Variants in HS3ST4 observed in about 807,000 individuals in gnomAD.
The protein encoded by HS3ST4 is heparan sulfate glucosamine 3-O-sulfotransferase 4.
HS3ST4 carries 17 observed loss-of-function variants against 29.2 expected under a neutral mutation model. The ratio of observed to expected loss-of-function variants is 0.58; its 90% CI spans 0.40 to 0.87. The LOEUF (loss-of-function observed/expected upper bound fraction) is 0.87, where lower values mean the gene tolerates loss of function less well. HS3ST4 is among the 40% of genes least tolerant of loss of function. The pLI, the probability that HS3ST4 is intolerant of heterozygous loss-of-function variation, is 0.00. For missense variants in HS3ST4, 627 were observed against 634.5 expected (o/e 0.99, Z 0.13); for synonymous variants, 314 against 285.7 (o/e 1.10, Z -1.00).
intron 1 of HS3ST4, among the ~76,000 whole-genome samples, chr16:25,962,566 C>CA (rs1342401870): frequency 3.3e-5 from 5 of 152,156 alleles, no homozygotes; most frequent in African/African-American, 9.7e-5. Context: ...CTTATACTAA[C>CA]TGATGAGTGT....
At chr16:26,068,986 C>G (rs556493983) in intron 1 of HS3ST4, among the ~76,000 whole-genome samples, 1 of 152,196 alleles carries the variant, frequency 6.6e-6, no homozygotes, top group South Asian at 2.1e-4. Flanking sequence ...GGGTGTTGCT[C>G]TGTCGCCCAG....
intron 1 of HS3ST4, among the ~76,000 whole-genome samples, chr16:25,851,956 C>T (rs1206248347): frequency 6.6e-6 from 1 of 152,134 alleles, no homozygotes; most frequent in African/African-American, 2.4e-5. Flanking sequence ...CTGCCCTGTG[C>T]AATTTTATAC....
chr16:26,080,457 A>G (rs1898712136), intron 1 of HS3ST4, among the ~76,000 whole-genome samples: 1 of 152,182 alleles, frequency 6.6e-6, no homozygotes. Context: ...AGCCCCTGAA[A>G]GAATGGTGTG....
intron 1 of HS3ST4, among the ~76,000 whole-genome samples, chr16:25,842,623 T>C (rs1306750489): frequency 6.6e-6 from 1 of 152,200 alleles, no homozygotes; most frequent in African/African-American, 2.4e-5. Context: ...ATTAATCCCA[T>C]TATTAGGAAG....
At chr16:26,089,550 C>T (rs1898828664) in intron 1 of HS3ST4, among the ~76,000 whole-genome samples, 1 of 152,166 alleles carries the variant, frequency 6.6e-6, no homozygotes, top group African/African-American at 2.4e-5. Flanking sequence ...AAGAAGGGAG[C>T]TTCATGTGTG....
At chr16:26,025,500 T>A (rs1431902282) in intron 1 of HS3ST4, among the ~76,000 whole-genome samples, 2 of 152,142 alleles carry the variant, frequency 1.3e-5, no homozygotes, top group Non-Finnish European at 2.9e-5. Context: ...CTCCAGCCAC[T>A]TTGTTTGAAA....
At chr16:25,925,959 A>G (rs1183916766) in intron 1 of HS3ST4, among the ~76,000 whole-genome samples, 2 of 151,914 alleles carry the variant, frequency 1.3e-5, no homozygotes, top group African/African-American at 4.8e-5. Flanking sequence ...CCCATGCCAG[A>G]CCCTCTGTCT....
At chr16:25,857,276 A>G (rs564884119) in intron 1 of HS3ST4, among the ~76,000 whole-genome samples, 2 of 152,094 alleles carry the variant, frequency 1.3e-5, no homozygotes, top group African/African-American at 4.8e-5. Flanking sequence ...GGATTCATCA[A>G]CTGTCTCTCC....
chr16:26,104,878 T>G (rs1337345313), intron 1 of HS3ST4, among the ~76,000 whole-genome samples: 1 of 152,188 alleles, frequency 6.6e-6, no homozygotes, highest in Non-Finnish European at 1.5e-5. Flanking sequence ...GGTTCTTCTC[T>G]TTCTCCCACA....
rs531640423 is a variant in HS3ST4, at chr16:26,108,824, A to G, written c.735-26788A>G. ...GTAATATAAATCTTTATCTTACCGG[A>G]CTTAGCAGAGTGGCTGGCATATAGT... On this transcript the variant is annotated intron_variant, in intron 1 of 1. Transcript: ENST00000331351. Among the ~76,000 whole-genome samples the G allele has an allele frequency of 2.0e-5, 3 of 152,292 alleles. No homozygotes were observed. The East Asian group carries it at 5.8e-4, about 29-fold the overall frequency.
rs908914809 is a variant in HS3ST4 at position 25,918,025 on chromosome 16, T to TG, written c.735-217580dup. On this transcript the variant is annotated intron_variant, in intron 1 of 1. Coordinates refer to ENST00000331351, the MANE Select transcript of HS3ST4 (RefSeq NM_006040.3). ...GCTAACGCATCTTTTTGAGATAGGG[T>TG]GGGGGGGAGCATCGTCTGTGGGCCA... 1.1e-4 allele frequency among the ~76,000 whole-genome samples: 16 copies of TG among 151,864 alleles called. 1 individual carries two copies. The highest frequency in any genetic ancestry group is 1.3e-4 in the Non-Finnish European group (9 of 67,946).
intron 1 of HS3ST4, among the ~76,000 whole-genome samples, chr16:25,809,381 G>A (rs1967019610): frequency 6.6e-6 from 1 of 152,052 alleles, no homozygotes; most frequent in Admixed American, 6.5e-5. Context: ...TGCATACCTG[G>A]AATAAATCCC....
intron 1 of HS3ST4, among the ~76,000 whole-genome samples, chr16:25,963,546 G>A (rs1968814606): frequency 6.6e-6 from 1 of 152,102 alleles, no homozygotes; most frequent in South Asian, 2.1e-4. Flanking sequence ...TCTCTTCCTG[G>A]CCTGAGTTTC....
chr16:25,827,920 C>A (rs1196107769), intron 1 of HS3ST4, among the ~76,000 whole-genome samples: 3 of 152,222 alleles, frequency 2.0e-5, no homozygotes, highest in South Asian at 4.1e-4. Flanking sequence ...CGTGTTGAAA[C>A]CAAGTTTCAG....
chr16:26,034,669 G>A (rs1049592879), intron 1 of HS3ST4, among the ~76,000 whole-genome samples: 4 of 104,232 alleles, frequency 3.8e-5, no homozygotes, highest in South Asian at 2.8e-4. Flanking sequence ...TAGCAGGGGC[G>A]GGGGGGGGTC....
At chr16:25,964,874 C>G (rs563475853) in intron 1 of HS3ST4, among the ~76,000 whole-genome samples, 1 of 151,980 alleles carries the variant, frequency 6.6e-6, no homozygotes, top group Non-Finnish European at 1.5e-5. Flanking sequence ...AAGTGATGTT[C>G]GAGTGTATTA....
chr16:25,879,268 T>C (rs1967868281), intron 1 of HS3ST4, among the ~76,000 whole-genome samples: 1 of 152,190 alleles, frequency 6.6e-6, no homozygotes, highest in Non-Finnish European at 1.5e-5. Flanking sequence ...GTAGAAAGAA[T>C]GCACTGTCTC....
intron 1 of HS3ST4, among the ~76,000 whole-genome samples, chr16:25,981,020 A>G (rs1208924652): frequency 6.6e-6 from 1 of 152,132 alleles, no homozygotes; most frequent in Non-Finnish European, 1.5e-5. Context: ...TAGGATGATT[A>G]GGATAGAGGA....
At chr16:25,846,476 G>A (rs1967466952) in intron 1 of HS3ST4, among the ~76,000 whole-genome samples, 1 of 151,752 alleles carries the variant, frequency 6.6e-6, no homozygotes. Flanking sequence ...CGAGGCTGCA[G>A]TGAGCCATGA....
Sources: allele counts gnomAD v4.1 joint callset (sites outside exome capture counted in the v4.1 genomes callset), GRCh38; gene constraint gnomAD v4.1.1; transcripts MANE v1.5; gene names NCBI Gene and HGNC (gene_info 2026-07-23, HGNC 2026-07-21).